The following KAT7 variants were observed in gnomAD, a reference collection of about 807,000 sequenced individuals.
KAT7 encodes histone acetyltransferase KAT7.
KAT7 carries 10 observed loss-of-function variants against 82.1 expected under a neutral mutation model. The observed-to-expected ratio is 0.12, with a 90% CI of 0.08 to 0.21. The LOEUF (loss-of-function observed/expected upper bound fraction) is 0.21, where lower values mean the gene tolerates loss of function less well. Among genes scored for constraint, KAT7 ranks in the 10% least tolerant of loss-of-function variants. The pLI, the probability that KAT7 is intolerant of heterozygous loss-of-function variation, is 1.00. For synonymous variants in KAT7, 250 were observed against 262.5 expected (o/e 0.95, Z 0.46); for missense variants, 378 against 760.9 (o/e 0.50, Z 5.92).
chr17:49,816,297 G>A (rs377205121), intron 8 of KAT7, among the ~76,000 whole-genome samples: 1 of 152,142 alleles, frequency 6.6e-6, no homozygotes, highest in East Asian at 1.9e-4. Context: ...CCTTTTGCTA[G>A]GTTTCCTCTG....
rs1217015443 is a variant in KAT7 at position 49,803,933 on chromosome 17, T to TTA, written c.581-1430_581-1429insTA. On this transcript the variant is annotated intron_variant, in intron 4 of 14. Transcript: ENST00000259021. The stretch of plus-strand genomic sequence containing the variant: ...TGAAAGATGAAGATTTTTGTAGACT[T>TTA]GCTATTCAGGTTAGCTAACTTTTTA... Among the ~76,000 whole-genome samples the TTA allele has an allele frequency of 1.2e-3, 175 of 152,102 alleles. 2 individuals carry two copies. Among genetic ancestry groups the TTA allele is most frequent in the Admixed American group, 7.7e-3 (117 of 15,262 alleles).
intron 9 of KAT7, among the ~76,000 whole-genome samples, chr17:49,819,302 G>A (rs1054725807): frequency 2.0e-5 from 3 of 152,168 alleles, no homozygotes; most frequent in Non-Finnish European, 4.4e-5. Context: ...TGGCACACTT[G>A]ACTGCATAGG....
In KAT7 at chr17:49,820,479, A is replaced by G. The variant is rs1486177033; in HGVS notation, c.1156-858A>G. 3.9e-5 allele frequency among the ~76,000 whole-genome samples: 6 copies of G among 152,186 alleles called. No individual in the cohort carries two copies. The East Asian group carries it at 7.7e-4, about 20-fold the overall frequency. Reference sequence around the variant, plus strand: ...TTTTTAGTAGAGACGGGGTTTCACCATGTTGGCCAGGCTGCTGTCAAACTC... The same window carrying G: ...TTTTTAGTAGAGACGGGGTTTCACCGTGTTGGCCAGGCTGCTGTCAAACTC... On this transcript the variant is annotated intron_variant, in intron 9 of 14. Transcript: ENST00000259021.
intron 7 of KAT7, among the ~76,000 whole-genome samples, chr17:49,812,306 C>T (rs2143931333): frequency 7.0e-6 from 1 of 142,688 alleles, no homozygotes; most frequent in East Asian, 2.0e-4. Flanking sequence ...CTCACTACAA[C>T]CTCTGCCTCC....
chr17:49,801,191 T>G (rs1268020721), intron 4 of KAT7, among the ~76,000 whole-genome samples: 1 of 152,188 alleles, frequency 6.6e-6, no homozygotes, highest in Non-Finnish European at 1.5e-5. Flanking sequence ...ATTTGTTTAT[T>G]TATTTATTTT....
intron 4 of KAT7, among the ~76,000 whole-genome samples, chr17:49,803,719 C>T (rs566363213): frequency 7.2e-5 from 11 of 152,156 alleles, no homozygotes; most frequent in African/African-American, 2.4e-4. Context: ...CCACTGCGCC[C>T]GGCCTAAAAT....
At chr17:49,821,623 A>G (rs1267914868) in intron 10 of KAT7, 27 bp from the exon 11 acceptor site, 1 of 1,612,280 alleles carries the variant, frequency 6.2e-7, no homozygotes, top group Non-Finnish European at 8.5e-7. Context: ...AGTGGCCCAC[A>G]CATGAACTCT....
At chr17:49,791,824 T>C in intron 1 of KAT7, 62 bp from the exon 2 acceptor site, 1 of 1,528,366 alleles carries the variant, frequency 6.5e-7, no homozygotes, top group Non-Finnish European at 9.0e-7. Context: ...TTATTTTCAA[T>C]GTTAATGCAA....
chr17:49,807,647 G>C (rs1023599455), intron 5 of KAT7, among the ~76,000 whole-genome samples: 15 of 152,200 alleles, frequency 9.9e-5, no homozygotes, highest in African/African-American at 3.6e-4. Flanking sequence ...GGAGAATGGA[G>C]TGTGGGGGCA....
intron 11 of KAT7, among the ~76,000 whole-genome samples, chr17:49,822,804 A>T (rs1249163226): frequency 4.7e-5 from 7 of 150,014 alleles, no homozygotes; most frequent in Non-Finnish European, 1.0e-4. Context: ...ATTCAATGTG[A>T]TTTTTTTTTT....
intron 2 of KAT7, among the ~76,000 whole-genome samples, chr17:49,793,538 A>T (rs567318286): frequency 6.6e-6 from 1 of 150,640 alleles, no homozygotes; most frequent in Non-Finnish European, 1.5e-5. Flanking sequence ...AAACTTTAAC[A>T]TGTTTTGAGC....
Position 49,804,432 on chromosome 17 carries a change from C to G in KAT7, c.581-931C>G, listed in dbSNP as rs116811570. On this transcript the variant is annotated intron_variant, in intron 4 of 14. Coordinates refer to ENST00000259021, the MANE Select transcript of KAT7 (RefSeq NM_007067.5). ...TGAAGAGATACCCATTTAAATAAAACAAGCTTTCGTGTTTTGTTATTCCTA... is the reference window on the plus strand; with the variant it reads ...TGAAGAGATACCCATTTAAATAAAAGAAGCTTTCGTGTTTTGTTATTCCTA... 4.8e-3 allele frequency among the ~76,000 whole-genome samples: 719 copies of G among 151,366 alleles called. 3 individuals carry two copies. The highest frequency in any genetic ancestry group is 0.016 in the African/African-American group (672 of 41,244).
intron 5 of KAT7, among the ~76,000 whole-genome samples, chr17:49,807,051 C>T (rs1023253022): frequency 2.6e-5 from 4 of 152,172 alleles, no homozygotes; most frequent in African/African-American, 7.2e-5. Flanking sequence ...GACACCCTTG[C>T]GATCAGTGAT....
At chr17:49,812,445 G>A (rs777390195) in intron 7 of KAT7, among the ~76,000 whole-genome samples, 1 of 151,818 alleles carries the variant, frequency 6.6e-6, no homozygotes, top group Non-Finnish European at 1.5e-5. Flanking sequence ...GGCTGGTCTC[G>A]AACTCCTGAC....
intron 2 of KAT7, among the ~76,000 whole-genome samples, chr17:49,792,603 A>C (rs968140480): frequency 7.2e-5 from 11 of 152,192 alleles, no homozygotes; most frequent in African/African-American, 2.7e-4. Flanking sequence ...AGTGAGCCGT[A>C]ACTCCCAGTC....
At position 49,789,038 on chromosome 17, in the gene KAT7, G is replaced by A. The variant is rs543481804; in HGVS notation, c.15+189G>A. 3.1e-5 allele frequency: 14 copies of A among 454,398 alleles called. 1 individual carries two copies. The South Asian group carries it at 7.2e-4, about 24-fold the overall frequency. 28.1% of individuals were successfully genotyped at this position (454,398 alleles called of 1,614,324 possible). A position where few individuals can be genotyped will look rare whatever the true frequency, so the allele number is the denominator to read the frequency against. The stretch of plus-strand genomic sequence containing the variant: ...CCGACCCTGGCCTCGGCCTATGCTT[G>A]CAACTATTCCCGCCCTCTGCTTGCC... On this transcript the variant is annotated intron_variant, in intron 1 of 14. Coordinates refer to ENST00000259021, the MANE Select transcript of KAT7 (RefSeq NM_007067.5).
chr17:49,824,755 A>G (rs1427039997), intron 12 of KAT7: 2 of 152,230 alleles, frequency 1.3e-5, no homozygotes, highest in Non-Finnish European at 2.9e-5. Context: ...CACTGTTCTT[A>G]TAAACTTGAT....
intron 8 of KAT7, among the ~76,000 whole-genome samples, chr17:49,816,734 T>C (rs1020394775): frequency 9.2e-5 from 14 of 152,188 alleles, no homozygotes; most frequent in South Asian, 4.1e-4. Context: ...GGCTAGCCTT[T>C]TACAACTTTA....
chr17:49,819,329 G>T (rs994009718), intron 9 of KAT7, among the ~76,000 whole-genome samples: 3 of 152,176 alleles, frequency 2.0e-5, no homozygotes, highest in Non-Finnish European at 4.4e-5. Context: ...GTCATGGAGG[G>T]GAGGTGATTG....
Sources: gnomAD v4.1 joint callset for allele counts (sites outside exome capture counted in the v4.1 genomes callset) on GRCh38, gnomAD v4.1.1 for gene constraint, MANE v1.5 for transcripts, NCBI Gene and HGNC (gene_info 2026-07-23, HGNC 2026-07-21) for gene names.